NPY2R: variants seen among roughly 807,000 people sequenced by gnomAD.
NPY2R encodes the protein neuropeptide Y receptor Y2, also known as neuropeptide Y receptor type 2.
In NPY2R, 17 loss-of-function variants were observed where a neutral mutation model predicts 22.3. That is an observed-to-expected ratio of 0.76 (90% CI 0.52 to 1.14). The LOEUF (loss-of-function observed/expected upper bound fraction) is 1.14. Among genes scored for constraint, NPY2R ranks in the 50% most tolerant of loss-of-function variants. The pLI, the probability that NPY2R is intolerant of heterozygous loss-of-function variation, is 0.00. For missense variants in NPY2R, 424 were observed against 467.9 expected (o/e 0.91, Z 0.87); for synonymous variants, 209 against 183.4 (o/e 1.14, Z -1.13).
chr4:155,174,256 A>T, the NPY2R span: 1 of 151,724 alleles, frequency 6.6e-6, no homozygotes, highest in Non-Finnish European at 1.5e-5. Flanking sequence ...TTAGCTCCAT[A>T]CTCAAAAGAA....
chr4:155,200,120 C>T, the NPY2R span, among the ~76,000 whole-genome samples: 1 of 152,030 alleles, frequency 6.6e-6, no homozygotes, highest in Non-Finnish European at 1.5e-5. Context: ...GGTCTAATAT[C>T]AAAAATCTAC....
At chr4:155,178,605 A>G in the NPY2R span, among the ~76,000 whole-genome samples, 4 of 152,168 alleles carry the variant, frequency 2.6e-5, no homozygotes, top group Admixed American at 1.3e-4. Context: ...ATAGGCAACT[A>G]TATTTGTGTA....
the NPY2R span, among the ~76,000 whole-genome samples, chr4:155,197,100 C>A: frequency 6.6e-6 from 1 of 151,740 alleles, no homozygotes; most frequent in Non-Finnish European, 1.5e-5. Context: ...AGTACTCATG[C>A]CATAAATATA....
At chr4:155,193,221 G>A in the NPY2R span, among the ~76,000 whole-genome samples, 1 of 151,796 alleles carries the variant, frequency 6.6e-6, no homozygotes, top group Non-Finnish European at 1.5e-5. Context: ...CCTTACAACA[G>A]CTTTATAGGT....
In NPY2R at chr4:155,214,855, A is replaced by G. The variant is rs764310174; in HGVS notation, c.916A>G (p.Ile306Val). 6.2e-7 allele frequency: 1 copy of G among 1,609,370 alleles called. No homozygotes were observed. Among genetic ancestry groups the G allele is most frequent in the Non-Finnish European group, 8.5e-7 (1 of 1,176,936 alleles). The stretch of plus-strand genomic sequence containing the variant: ...CCTGGACCTGAAGGAGTACAAACTC[A>G]TCTTCACAGTGTTCCACATCATCGC... The part of the protein sequence containing the change: ...QVLDLKEYKL[I>V]FTVFHIIAMC... The change falls in exon 2 of 2, where the codon ATC becomes GTC. Residue 306 changes from isoleucine to valine, a missense_variant. Coordinates refer to ENST00000329476, the MANE Select transcript of NPY2R (RefSeq NM_000910.4).
the NPY2R span, among the ~76,000 whole-genome samples, chr4:155,187,302 T>C: frequency 6.6e-6 from 1 of 152,140 alleles, no homozygotes; most frequent in African/African-American, 2.4e-5. Flanking sequence ...AATAAGAAAG[T>C]AAACTCTCTA....
the NPY2R span, among the ~76,000 whole-genome samples, chr4:155,181,968 G>A: frequency 5.3e-5 from 8 of 152,068 alleles, no homozygotes; most frequent in African/African-American, 1.9e-4. Context: ...ATGTCCCAGT[G>A]GAAGGAATCC....
At chr4:155,174,484 A>ATATATATTTTTT in the NPY2R span, among the ~76,000 whole-genome samples, 9 of 106,070 alleles carry the variant, frequency 8.5e-5, no homozygotes, top group African/African-American at 4.1e-4. Context: ...ATATATATAT[A>ATATATATTTTTT]TTTTTTTTTT....
chr4:155,216,097 C>T lies in NPY2R; in HGVS notation c.*1012C>T, dbSNP rs936721318. ...TGTTATTTTCTTTGAAATTCATCCTCCACGGACCCATTCATACTAAATAAA... is the reference window on the plus strand; with the variant it reads ...TGTTATTTTCTTTGAAATTCATCCTTCACGGACCCATTCATACTAAATAAA... On this transcript the variant is annotated 3_prime_UTR_variant, in exon 2 of 2. Transcript: ENST00000329476. 3 of 166,910 alleles carry T rather than the reference C, an allele frequency of 1.8e-5. No homozygotes were observed. The highest frequency in any genetic ancestry group is 4.4e-5 in the Non-Finnish European group (3 of 68,094). The allele number at this position is 166,910 out of a possible 1,614,324, so 10.3% of individuals were successfully genotyped here. A position where few individuals can be genotyped will look rare whatever the true frequency, so the allele number is the denominator to read the frequency against.
the NPY2R span, among the ~76,000 whole-genome samples, chr4:155,190,627 C>A: frequency 6.6e-6 from 1 of 151,924 alleles, no homozygotes; most frequent in Non-Finnish European, 1.5e-5. Context: ...TACAAAATAG[C>A]AAATGCAGTT....
chr4:155,203,469 G>GT, the NPY2R span, among the ~76,000 whole-genome samples: 5 of 151,996 alleles, frequency 3.3e-5, no homozygotes, highest in Admixed American at 6.6e-5. Context: ...AAAAAGTGAA[G>GT]TTTTTTTTAA....
the NPY2R span, among the ~76,000 whole-genome samples, chr4:155,194,412 C>G: frequency 6.6e-6 from 1 of 151,906 alleles, no homozygotes; most frequent in Non-Finnish European, 1.5e-5. Context: ...CCTCCATCCT[C>G]AAGTAGGCCT....
chr4:155,185,345 A>G, the NPY2R span, among the ~76,000 whole-genome samples: 2 of 152,232 alleles, frequency 1.3e-5, no homozygotes, highest in Admixed American at 1.3e-4. Flanking sequence ...GCCAACATAT[A>G]TTTTTAATAA....
the NPY2R span, among the ~76,000 whole-genome samples, chr4:155,185,958 C>A: frequency 1.5e-4 from 23 of 152,142 alleles, no homozygotes; most frequent in Non-Finnish European, 3.1e-4. Context: ...CATGTTTACA[C>A]GTCTGAAAAG....
the NPY2R span, among the ~76,000 whole-genome samples, chr4:155,199,227 G>A: frequency 1.3e-5 from 2 of 151,792 alleles, no homozygotes; most frequent in East Asian, 1.9e-4. Flanking sequence ...TGCCTTTACT[G>A]GAAAATTGCT....
chr4:155,206,258 A>C (rs1729282794), upstream of NPY2R, among the ~76,000 whole-genome samples: 1 of 152,250 alleles, frequency 6.6e-6, no homozygotes, highest in African/African-American at 2.4e-5. Flanking sequence ...GATACAAAAG[A>C]AATCAAGCAT....
chr4:155,201,475 C>T, the NPY2R span, among the ~76,000 whole-genome samples: 2 of 152,140 alleles, frequency 1.3e-5, no homozygotes, highest in African/African-American at 4.8e-5. Context: ...TCAGTTGATG[C>T]CACATGGATC....
Position 155,215,636 on chromosome 4 carries a change from C to T in NPY2R, c.*551C>T, listed in dbSNP as rs1024096426. The T allele has an allele frequency of 1.1e-5, 2 of 176,930 alleles. No individual in the cohort carries two copies. The highest frequency in any genetic ancestry group is 5.8e-5 in the Admixed American group (1 of 17,112). 11.0% of individuals were successfully genotyped at this position (176,930 alleles called of 1,614,324 possible). A position where few individuals can be genotyped will look rare whatever the true frequency, so the allele number is the denominator to read the frequency against. On this transcript the variant is annotated 3_prime_UTR_variant, in exon 2 of 2. Coordinates refer to ENST00000329476, the MANE Select transcript of NPY2R (RefSeq NM_000910.4). ...AAACGATTGCCAACTATACGAATGG[C>T]TTCGAGGAGATAAACTGAAATTTGC... is the stretch of plus-strand genomic sequence containing the variant.
At chr4:155,186,196 G>T in the NPY2R span, among the ~76,000 whole-genome samples, 1 of 152,164 alleles carries the variant, frequency 6.6e-6, no homozygotes, top group African/African-American at 2.4e-5. Flanking sequence ...TGGATGTCAT[G>T]TTTTAAACTA....
Sources: allele counts gnomAD v4.1 joint callset (sites outside exome capture counted in the v4.1 genomes callset), GRCh38; gene constraint gnomAD v4.1.1; transcripts MANE v1.5; gene names NCBI Gene and HGNC (gene_info 2026-07-23, HGNC 2026-07-21).